The following HMCN1 variants were observed in gnomAD, a reference collection of about 807,000 sequenced individuals.
HMCN1 encodes the protein hemicentin 1.
HMCN1 carries 321 observed loss-of-function variants against 625.9 expected under a neutral mutation model. The ratio of observed to expected loss-of-function variants is 0.51; its 90% CI spans 0.47 to 0.56. The LOEUF (loss-of-function observed/expected upper bound fraction) is 0.56, where lower values mean the gene tolerates loss of function less well. Among genes scored for constraint, HMCN1 ranks in the 20% least tolerant of loss-of-function variants. The pLI, the probability that HMCN1 is intolerant of heterozygous loss-of-function variation, is 0.00. For missense variants in HMCN1, 6,588 were observed against 6,887.3 expected (o/e 0.96, Z 1.54); for synonymous variants, 2,425 against 2,417.6 (o/e 1.00, Z -0.09).
chr1:185,906,979 A>T (rs1225408294), intron 4 of HMCN1, among the ~76,000 whole-genome samples: 1 of 146,578 alleles, frequency 6.8e-6, no homozygotes, highest in East Asian at 2.0e-4. Flanking sequence ...TTAGTTAGGC[A>T]GACCCTTACA....
At chr1:186,019,889 C>T (rs1319280772) in intron 35 of HMCN1, among the ~76,000 whole-genome samples, 194 bp downstream of exon 35, 1 of 151,884 alleles carries the variant, frequency 6.6e-6, no homozygotes, top group Non-Finnish European at 1.5e-5. Flanking sequence ...GAATTAAAGA[C>T]TAACTTTAAC....
At chr1:185,848,607 G>T (rs1041114372) in intron 2 of HMCN1, among the ~76,000 whole-genome samples, 4 of 151,986 alleles carry the variant, frequency 2.6e-5, no homozygotes, top group Non-Finnish European at 5.9e-5. Context: ...TCAGTCCTTG[G>T]ATGTCACAAT....
At chr1:185,832,265 C>G (rs1300958092) in intron 1 of HMCN1, among the ~76,000 whole-genome samples, 14 of 151,980 alleles carry the variant, frequency 9.2e-5, no homozygotes, top group Admixed American at 9.2e-4. Flanking sequence ...CACTGCACTC[C>G]AGCCTGGGAG....
At chr1:185,742,257 A>T (rs114726441) in intron 1 of HMCN1, among the ~76,000 whole-genome samples, 3 of 152,206 alleles carry the variant, frequency 2.0e-5, no homozygotes, top group Non-Finnish European at 4.4e-5. Flanking sequence ...AAAAATAAGC[A>T]ACTATAAAGA....
At chr1:185,988,331 A>G (rs1239358363) in intron 20 of HMCN1, among the ~76,000 whole-genome samples, 1 of 152,238 alleles carries the variant, frequency 6.6e-6, no homozygotes, top group Non-Finnish European at 1.5e-5. Context: ...GAACAGCCAC[A>G]AAGATGGCAC....
intron 94 of HMCN1, 97 bp downstream of exon 94, chr1:186,151,446 T>A (rs1000639312): frequency 7.6e-7 from 1 of 1,314,428 alleles, no homozygotes; most frequent in Non-Finnish European, 1.1e-6. Context: ...TACTAACTCA[T>A]AAGTATGGTA....
At chr1:185,862,051 A>G (rs1403529612) in intron 2 of HMCN1, among the ~76,000 whole-genome samples, 1 of 152,204 alleles carries the variant, frequency 6.6e-6, no homozygotes, top group Non-Finnish European at 1.5e-5. Flanking sequence ...TTGTTATGGC[A>G]TTAAGGTGTG....
At chr1:185,773,869 C>A (rs190100268) in intron 1 of HMCN1, among the ~76,000 whole-genome samples, 3 of 151,956 alleles carry the variant, frequency 2.0e-5, no homozygotes, top group Admixed American at 6.6e-5. Context: ...ATGGAATTGG[C>A]GATCTAGTCC....
chr1:185,882,557 C>CA (rs1664375244), intron 4 of HMCN1, among the ~76,000 whole-genome samples: 1 of 150,994 alleles, frequency 6.6e-6, no homozygotes, highest in African/African-American at 2.4e-5. Context: ...GTAGTTGCCA[C>CA]AAAAAAATGA....
intron 46 of HMCN1, among the ~76,000 whole-genome samples, chr1:186,060,911 C>T (rs983788090): frequency 1.3e-5 from 2 of 152,044 alleles, no homozygotes. Flanking sequence ...TCTTTCTAAG[C>T]ACGAATCAGA....
At chr1:185,806,652 A>G (rs1272894264) in intron 1 of HMCN1, among the ~76,000 whole-genome samples, 1 of 151,838 alleles carries the variant, frequency 6.6e-6, no homozygotes, top group Non-Finnish European at 1.5e-5. Context: ...CGAACCAAGC[A>G]TCTCTCACGT....
chr1:185,889,154 G>A (rs1162749897), intron 4 of HMCN1, among the ~76,000 whole-genome samples: 1 of 144,994 alleles, frequency 6.9e-6, no homozygotes, highest in African/African-American at 2.8e-5. Context: ...TTTGCACATT[G>A]ATTTTGTATC....
At chr1:186,181,148 T>G (rs1306344481) in intron 104 of HMCN1, among the ~76,000 whole-genome samples, 1 of 152,144 alleles carries the variant, frequency 6.6e-6, no homozygotes, top group Non-Finnish European at 1.5e-5. Context: ...TACATTTCTG[T>G]TATTTTAGGT....
At chr1:185,981,177 A>C in intron 17 of HMCN1, 104 bp downstream of exon 17, 1 of 755,052 alleles carries the variant, frequency 1.3e-6, no homozygotes, top group Non-Finnish European at 2.4e-6. Context: ...CAAAAGATAA[A>C]TGACTAATTA....
Position 186,019,524 on chromosome 1 carries a change from C to T in HMCN1, c.5471-17C>T, listed in dbSNP as rs1428716500. On this transcript the variant is annotated splice_polypyrimidine_tract_variant and intron_variant, in intron 34 of 106. Transcript: ENST00000271588. ...CTGATTATGGTTTCATTCCCTCTCC[C>T]CCTTCCTTAAATATAGTTCCTCCAA... The T allele has an allele frequency of 1.9e-6, 3 of 1,593,324 alleles. No individual in the cohort carries two copies. The highest frequency in any genetic ancestry group is 2.6e-6 in the Non-Finnish European group (3 of 1,161,734).
intron 41 of HMCN1, among the ~76,000 whole-genome samples, chr1:186,047,365 CAG>C (rs1656645858): frequency 6.6e-6 from 1 of 152,128 alleles, no homozygotes; most frequent in Non-Finnish European, 1.5e-5. Context: ...GACCAAATGA[CAG>C]AGGGATACAA....
intron 10 of HMCN1, among the ~76,000 whole-genome samples, chr1:185,929,274 C>T (rs185937720): frequency 3.7e-4 from 57 of 152,128 alleles, no homozygotes; most frequent in East Asian, 1.5e-3. Context: ...CTACAATATT[C>T]GCACTAAGAC....
chr1:185,951,306 G>C (rs867994615), intron 11 of HMCN1, among the ~76,000 whole-genome samples: 3,561 of 150,410 alleles, frequency 0.024, 55 homozygotes, highest in African/African-American at 0.054. Context: ...AACTAAAAAG[G>C]AGTGCTTAAA....
intron 2 of HMCN1, among the ~76,000 whole-genome samples, chr1:185,851,053 G>A (rs1662131540): frequency 6.6e-6 from 1 of 152,214 alleles, no homozygotes; most frequent in East Asian, 1.9e-4. Flanking sequence ...TTTGTTCAGT[G>A]TTTACTTATA....
Sources: allele counts gnomAD v4.1 joint callset (sites outside exome capture counted in the v4.1 genomes callset), GRCh38; gene constraint gnomAD v4.1.1; transcripts MANE v1.5; gene names NCBI Gene and HGNC (gene_info 2026-07-23, HGNC 2026-07-21).